The following NLGN4Y variants were observed in gnomAD, a reference collection of about 807,000 sequenced individuals.
NLGN4Y encodes neuroligin 4 Y-linked.
In NLGN4Y, 4 loss-of-function variants were observed where a neutral mutation model predicts 8.4. The observed-to-expected ratio is 0.48, with a 90% CI of 0.23 to 1.09. The LOEUF (loss-of-function observed/expected upper bound fraction) is 1.09, where lower values mean the gene tolerates loss of function less well. NLGN4Y is among the 50% of genes least tolerant of loss of function. NLGN4Y has a pLI of 0.19. For missense variants in NLGN4Y, 90 were observed against 192.3 expected (o/e 0.47, Z 3.15); for synonymous variants, 35 against 75.6 (o/e 0.46, Z 2.78).
At chrY:14,599,263 C>A (rs965111159) in intron 1 of NLGN4Y, among the ~76,000 whole-genome samples, 2 of 28,887 alleles carry the variant, frequency 6.9e-5, no homozygotes, top group African/African-American at 2.8e-4. Flanking sequence ...AGTATGAACT[C>A]ACGGGATCTC....
intron 4 of NLGN4Y, among the ~76,000 whole-genome samples, chrY:14,817,123 AC>A (rs2043105050): frequency 3.0e-5 from 1 of 33,277 alleles, no homozygotes; most frequent in Non-Finnish European, 7.4e-5. Flanking sequence ...GGTTGTGGGG[AC>A]ACTTAGTGCG....
At chrY:14,797,123 A>G in intron 4 of NLGN4Y, among the ~76,000 whole-genome samples, 1 of 32,908 alleles carries the variant, frequency 3.0e-5, no homozygotes, top group African/African-American at 1.2e-4. Flanking sequence ...TAAGCATAAT[A>G]TAACTGTATA....
Position 14,842,567 on chromosome Y carries a change from A to G in NLGN4Y, c.*1305A>G. 1 of 120,716 alleles carries G rather than the reference A, an allele frequency of 8.3e-6. No individual in the cohort carries two copies. Among genetic ancestry groups the G allele is most frequent in the African/African-American group, 9.4e-5 (1 of 10,629 alleles). The allele number at this position is 120,716 out of a possible 400,897, so 30.1% of individuals were successfully genotyped here. A position where few individuals can be genotyped will look rare whatever the true frequency, so the allele number is the denominator to read the frequency against. ...ATGTATGTCTTTTGTTTAAGCACCT[A>G]GTCCCTTATGTATCAGTAAACAGGT... is the stretch of plus-strand genomic sequence containing the variant. On this transcript the variant is annotated 3_prime_UTR_variant, in exon 7 of 7. Coordinates refer to ENST00000684976, the MANE Select transcript of NLGN4Y (RefSeq NM_001365588.1).
chrY:14,581,744 G>T, intron 1 of NLGN4Y, among the ~76,000 whole-genome samples: 1 of 33,830 alleles, frequency 3.0e-5, no homozygotes, highest in Non-Finnish European at 7.3e-5. Context: ...TGCTTGTGCA[G>T]TGGCCATTTT....
intron 2 of NLGN4Y, among the ~76,000 whole-genome samples, chrY:14,667,524 C>T: frequency 3.0e-5 from 1 of 33,030 alleles, no homozygotes; most frequent in Admixed American, 2.8e-4. Context: ...ATGCCCTTGG[C>T]AAGTTTGTAC....
intron 4 of NLGN4Y, among the ~76,000 whole-genome samples, chrY:14,781,388 C>T: frequency 3.0e-5 from 1 of 33,437 alleles, no homozygotes; most frequent in Non-Finnish European, 7.4e-5. Context: ...AAGAGAAAAG[C>T]AATACAGCAA....
intron 1 of NLGN4Y, among the ~76,000 whole-genome samples, chrY:14,545,783 A>G: frequency 6.1e-5 from 2 of 33,048 alleles, no homozygotes; most frequent in Non-Finnish European, 1.5e-4. Flanking sequence ...TCTTTCGTTT[A>G]ATTAGATCCC....
At chrY:14,697,589 T>TGAGAGAGA in intron 2 of NLGN4Y, among the ~76,000 whole-genome samples, 2 of 11,641 alleles carry the variant, frequency 1.7e-4, no homozygotes, top group African/African-American at 1.0e-3. Context: ...GGTATATAGA[T>TGAGAGAGA]GAGAGAGATA....
chrY:14,560,641 G>C (rs549137764), intron 1 of NLGN4Y, among the ~76,000 whole-genome samples: 5 of 33,357 alleles, frequency 1.5e-4, no homozygotes, highest in African/African-American at 5.8e-4. Flanking sequence ...ACATACCTGA[G>C]TAGCAGATCT....
intron 2 of NLGN4Y, among the ~76,000 whole-genome samples, chrY:14,695,163 A>G (rs1603502777): frequency 5.9e-5 from 2 of 33,752 alleles, no homozygotes; most frequent in Non-Finnish European, 1.5e-4. Flanking sequence ...TTCAGACCCA[A>G]TCCAGGTACT....
intron 1 of NLGN4Y, among the ~76,000 whole-genome samples, chrY:14,536,923 T>C: frequency 3.0e-5 from 1 of 33,058 alleles, no homozygotes; most frequent in Non-Finnish European, 7.4e-5. Flanking sequence ...AAGAATTCAA[T>C]TGCATCATTT....
chrY:14,585,457 T>TA (rs2080336480), intron 1 of NLGN4Y, among the ~76,000 whole-genome samples: 1 of 33,061 alleles, frequency 3.0e-5, no homozygotes, highest in Non-Finnish European at 7.4e-5. Context: ...CCCGTTTCTT[T>TA]AAAAAAACAA....
rs746386797 is a variant in NLGN4Y at position 14,682,369 on chromosome Y, A to G, written c.473-37090A>G. 8.9e-5 allele frequency among the ~76,000 whole-genome samples: 3 copies of G among 33,715 alleles called. No homozygotes were observed. The South Asian group carries it at 2.0e-3, about 22-fold the overall frequency. 90.5% of individuals were successfully genotyped at this position (33,715 alleles called of 37,273 possible). On this transcript the variant is annotated intron_variant, in intron 2 of 6. Coordinates refer to ENST00000684976, the MANE Select transcript of NLGN4Y (RefSeq NM_001365588.1). ...AGCTTTGTTTGTGAATGGTGGGGTT[A>G]GAAGGGGTTTGTTGCTAGAAATCCC...
chrY:14,596,387 C>T (rs1038106865), intron 1 of NLGN4Y, among the ~76,000 whole-genome samples: 4 of 33,440 alleles, frequency 1.2e-4, no homozygotes, highest in East Asian at 8.0e-4. Context: ...TTTTTAGAAG[C>T]GGGTCTAGAC....
intron 2 of NLGN4Y, among the ~76,000 whole-genome samples, chrY:14,661,299 G>A (rs2080673699): frequency 3.1e-5 from 1 of 32,767 alleles, no homozygotes; most frequent in East Asian, 8.3e-4. Flanking sequence ...ATGGGTACGC[G>A]TGGTTGTAAA....
intron 1 of NLGN4Y, among the ~76,000 whole-genome samples, chrY:14,583,064 A>C: frequency 6.0e-5 from 2 of 33,341 alleles, no homozygotes; most frequent in Non-Finnish European, 1.5e-4. Flanking sequence ...ACATGCAGGA[A>C]CCAGGCTTGT....
At chrY:14,815,007 G>A (rs900334066) in intron 4 of NLGN4Y, among the ~76,000 whole-genome samples, 6 of 32,615 alleles carry the variant, frequency 1.8e-4, no homozygotes, top group Non-Finnish European at 3.0e-4. Flanking sequence ...GTCAGTGTTG[G>A]GACTTAGGAA....
chrY:14,566,067 A>G (rs1046138849), intron 1 of NLGN4Y, among the ~76,000 whole-genome samples: 7 of 33,626 alleles, frequency 2.1e-4, no homozygotes, highest in Admixed American at 1.7e-3. Flanking sequence ...CTGCAAAAAC[A>G]TGCCAAATTC....
chrY:14,832,397 C>T, intron 6 of NLGN4Y, among the ~76,000 whole-genome samples: 1 of 34,442 alleles, frequency 2.9e-5, no homozygotes, highest in Non-Finnish European at 7.2e-5. Context: ...GTTGGAGATG[C>T]TCGTCTATCA....
Sources: gnomAD v4.1 joint callset for allele counts (sites outside exome capture counted in the v4.1 genomes callset) on GRCh38, gnomAD v4.1.1 for gene constraint, MANE v1.5 for transcripts, NCBI Gene and HGNC (gene_info 2026-07-23, HGNC 2026-07-21) for gene names.